Variants in HMOX1 observed in about 807,000 individuals in gnomAD.
The protein encoded by HMOX1 is heat shock protein, 32-kD.
Under a neutral mutation model 27.8 loss-of-function variants are expected in HMOX1, and 22 were observed. The observed-to-expected ratio is 0.79, with a 90% CI of 0.57 to 1.13. The LOEUF is 1.13. HMOX1 is among the 50% of genes most tolerant of loss of function. HMOX1 has a pLI of 0.00. For synonymous variants in HMOX1, 153 were observed against 151.6 expected (o/e 1.01, Z -0.07); for missense variants, 379 against 377.7 (o/e 1.00, Z -0.03).
At chr22:35,387,812 G>A (rs17885538) in intron 3 of HMOX1, among the ~76,000 whole-genome samples, 7 of 152,224 alleles carry the variant, frequency 4.6e-5, no homozygotes, top group Non-Finnish European at 7.3e-5. Flanking sequence ...TGGGGCTCGG[G>A]GTCATGCCCT....
At chr22:35,386,559 G>T in intron 2 of HMOX1, 126 bp from the exon 3 acceptor site, 1 of 1,143,582 alleles carries the variant, frequency 8.7e-7, no homozygotes, top group Non-Finnish European at 1.3e-6. Context: ...AGCGAGGGGT[G>T]GCAGAAGGAG....
At chr22:35,381,309 C>T in intron 1 of HMOX1, 113 bp downstream of exon 1, 1 of 1,319,224 alleles carries the variant, frequency 7.6e-7, no homozygotes, top group Non-Finnish European at 1.0e-6. Flanking sequence ...GAGCCAGAAA[C>T]TTGGGCTCTG....
rs1349533134 is a variant in HMOX1 at position 35,389,288 on chromosome 22, TC to T, written c.637-575del. Among the ~76,000 whole-genome samples the T allele has an allele frequency of 1.7e-3, 150 of 88,310 alleles. 17 individuals carry two copies. The highest frequency in any genetic ancestry group is 5.2e-3 in the African/African-American group (88 of 16,866). 57.9% of individuals were successfully genotyped at this position (88,310 alleles called of 152,430 possible). On this transcript the variant is annotated intron_variant, in intron 3 of 4. Transcript: ENST00000216117. ...TCTCTCTCTCTCCTCTCTCTCTCTC[TC>T]TTCTTTCTTCTTTCTTTCTTTCTTT...
intron 3 of HMOX1, among the ~76,000 whole-genome samples, chr22:35,388,414 T>C (rs1931560313): frequency 6.6e-6 from 1 of 151,668 alleles, no homozygotes; most frequent in East Asian, 1.9e-4. Context: ...ATTATGCTAC[T>C]GCACTCCAGC....
At chr22:35,388,426 T>G (rs1222671934) in intron 3 of HMOX1, among the ~76,000 whole-genome samples, 1 of 150,960 alleles carries the variant, frequency 6.6e-6, no homozygotes, top group East Asian at 2.0e-4. Flanking sequence ...CACTCCAGCC[T>G]GGGCAACGGC....
Position 35,386,834 on chromosome 22 carries a change from G to T in HMOX1, c.294G>T (p.Gly98=), listed in dbSNP as rs1166609334. ...ALEQDLAFWY[G]PRWQEVIPYT... ...AGCAGGACCTGGCCTTCTGGTACGGGCCCCGCTGGCAGGAGGTCATCCCCT... is the reference window on the plus strand; with the variant it reads ...AGCAGGACCTGGCCTTCTGGTACGGTCCCCGCTGGCAGGAGGTCATCCCCT... The change falls in exon 3 of 5, where the codon GGG becomes GGT. Residue 98 remains glycine (G), a synonymous_variant. Transcript: ENST00000216117. 6.2e-7 allele frequency: 1 copy of T among 1,614,184 alleles called. No individual in the cohort carries two copies. Among genetic ancestry groups the T allele is most frequent in the Non-Finnish European group, 8.5e-7 (1 of 1,180,030 alleles).
rs1569057173 is a variant in HMOX1 at position 35,389,258 on chromosome 22, C to CTTT, written c.637-605_637-604insTTT. Among the ~76,000 whole-genome samples, 67 of 112,494 alleles carry CTTT rather than the reference C, an allele frequency of 6.0e-4. 7 individuals carry two copies. Among genetic ancestry groups the CTTT allele is most frequent in the Middle Eastern group, 8.3e-3 (2 of 242 alleles). 73.8% of individuals were successfully genotyped at this position (112,494 alleles called of 152,430 possible). A position where few individuals can be genotyped will look rare whatever the true frequency, so the allele number is the denominator to read the frequency against. ...CTTTCTTTTTCTTTCTTTTCTCTCTCTCTCTCTCTCTCTCTCCTCTCTCTC... is the reference window on the plus strand; with the variant it reads ...CTTTCTTTTTCTTTCTTTTCTCTCTCTTTTCTCTCTCTCTCTCTCCTCTCTCTC... On this transcript the variant is annotated intron_variant, in intron 3 of 4. Coordinates refer to ENST00000216117, the MANE Select transcript of HMOX1 (RefSeq NM_002133.3).
chr22:35,385,921 G>A (rs572244216), intron 2 of HMOX1, among the ~76,000 whole-genome samples: 126 of 151,280 alleles, frequency 8.3e-4, no homozygotes, highest in African/African-American at 2.7e-3. Flanking sequence ...GTGAGCCACC[G>A]CGTCCAGCTG....
At chr22:35,387,220 G>T (rs369629244) in intron 3 of HMOX1, 44 bp downstream of exon 3, 1 of 1,611,476 alleles carries the variant, frequency 6.2e-7, no homozygotes, top group South Asian at 1.1e-5. Flanking sequence ...TCCCCCCGTT[G>T]TTCCTCCAAG....
chr22:35,389,399 T>TCTTC lies in HMOX1; in HGVS notation c.637-462_637-461insCCTT, dbSNP rs1555901612. ...TCCTTCCTTCCTTCCTTCCTTCCTT[T>TCTTC]CTTTCTTTCTTTCTTTCTTTCTTTC... is the stretch of plus-strand genomic sequence containing the variant. On this transcript the variant is annotated intron_variant, in intron 3 of 4. Transcript: ENST00000216117. 9.1e-4 allele frequency among the ~76,000 whole-genome samples: 39 copies of TCTTC among 42,770 alleles called. 1 individual carries two copies. The highest frequency in any genetic ancestry group is 1.9e-3 in the East Asian group (4 of 2,138). 28.1% of individuals were successfully genotyped at this position (42,770 alleles called of 152,430 possible). A position where few individuals can be genotyped will look rare whatever the true frequency, so the allele number is the denominator to read the frequency against.
intron 3 of HMOX1, among the ~76,000 whole-genome samples, chr22:35,389,395 C>CTTTCTTTCTTTCTTTCTTT (rs1555901605): frequency 1.9e-4 from 10 of 51,812 alleles, no homozygotes; most frequent in East Asian, 1.7e-3. Flanking sequence ...TTCCTTCCTT[C>CTTTCTTTCTTTCTTTCTTT]CTTTCTTTCT....
intron 1 of HMOX1, among the ~76,000 whole-genome samples, chr22:35,381,668 C>G (rs1208881680): frequency 6.6e-6 from 1 of 152,132 alleles, no homozygotes; most frequent in Non-Finnish European, 1.5e-5. Context: ...AGGGAGGCGA[C>G]ATGCCCAAGA....
chr22:35,384,451 G>T (rs1277569507), intron 2 of HMOX1, among the ~76,000 whole-genome samples: 1 of 151,946 alleles, frequency 6.6e-6, no homozygotes, highest in Non-Finnish European at 1.5e-5. Context: ...GGCCTGTAAT[G>T]GGTCTTCCTC....
intron 2 of HMOX1, among the ~76,000 whole-genome samples, chr22:35,383,929 G>A (rs1306879817): frequency 6.6e-6 from 1 of 151,950 alleles, no homozygotes; most frequent in African/African-American, 2.4e-5. Context: ...AAGATACTGG[G>A]TGTTAAAACA....
intron 1 of HMOX1, among the ~76,000 whole-genome samples, chr22:35,381,604 G>A (rs546885488): frequency 1.1e-4 from 16 of 152,174 alleles, no homozygotes; most frequent in Middle Eastern, 3.4e-3. Flanking sequence ...CGGAGGACCT[G>A]AGCCAGACAT....
chr22:35,387,258 C>CTA, intron 3 of HMOX1, 82 bp downstream of exon 3: 1 of 1,546,042 alleles, frequency 6.5e-7, no homozygotes, highest in East Asian at 2.3e-5. Context: ...GGGGAGGGTG[C>CTA]TATAGGTCAT....
chr22:35,393,442 T>A, intron 4 of HMOX1, 26 bp from the exon 5 acceptor site: 1 of 1,613,950 alleles, frequency 6.2e-7, no homozygotes, highest in Non-Finnish European at 8.5e-7. Context: ...CACCTGTTAA[T>A]GACCTTGCCC....
At chr22:35,389,189 T>TTTTTTCTTTC (rs747714193) in intron 3 of HMOX1, among the ~76,000 whole-genome samples, 3 of 83,428 alleles carry the variant, frequency 3.6e-5, no homozygotes. Flanking sequence ...GGGATATGAA[T>TTTTTTCTTTC]TTTCTTTCTT....
chr22:35,388,295 T>C (rs979767492), intron 3 of HMOX1, among the ~76,000 whole-genome samples: 4 of 149,362 alleles, frequency 2.7e-5, no homozygotes, highest in Non-Finnish European at 5.9e-5. Context: ...TACAAAAACA[T>C]GAAAAAATTA....
Sources: allele counts gnomAD v4.1 joint callset (sites outside exome capture counted in the v4.1 genomes callset), GRCh38; gene constraint gnomAD v4.1.1; transcripts MANE v1.5; gene names NCBI Gene and HGNC (gene_info 2026-07-23, HGNC 2026-07-21).